CACNB2: variants seen among roughly 807,000 people sequenced by gnomAD.
CACNB2 encodes the protein voltage-dependent L-type calcium channel subunit beta-2.
Under a neutral mutation model 73.3 loss-of-function variants are expected in CACNB2, and 42 were observed. The observed-to-expected ratio is 0.57, with a 90% CI of 0.45 to 0.74. The LOEUF (loss-of-function observed/expected upper bound fraction) is 0.74, where lower values mean the gene tolerates loss of function less well. CACNB2 is among the 30% of genes least tolerant of loss of function. CACNB2 has a pLI of 0.00. For missense variants in CACNB2, 940 were observed against 853.0 expected, an observed-to-expected ratio of 1.10 and a Z score of -1.27; for synonymous variants, 348 against 310.3, an observed-to-expected ratio of 1.12 and a Z score of -1.28.
chr10:18,230,967 C>T (rs913657151), intron 2 of CACNB2, among the ~76,000 whole-genome samples: 15 of 151,816 alleles, frequency 9.9e-5, no homozygotes, highest in Admixed American at 5.9e-4. Context: ...GCATATTTTG[C>T]AGCTTGTGTC....
chr10:18,504,255 T>C (rs1589575919), intron 5 of CACNB2, among the ~76,000 whole-genome samples: 1 of 152,290 alleles, frequency 6.6e-6, no homozygotes, highest in South Asian at 2.1e-4. Flanking sequence ...GGGAACTTGA[T>C]CGAGGTCGCA....
intron 3 of CACNB2, among the ~76,000 whole-genome samples, chr10:18,473,594 T>C (rs965103548): frequency 6.6e-6 from 1 of 152,276 alleles, no homozygotes; most frequent in East Asian, 1.9e-4. Flanking sequence ...GACTTATTAG[T>C]GTCTGGAGCC....
intron 2 of CACNB2, among the ~76,000 whole-genome samples, chr10:18,189,953 G>C (rs1223056715): frequency 1.3e-5 from 2 of 152,168 alleles, no homozygotes; most frequent in East Asian, 3.9e-4. Flanking sequence ...TGTGTTTTTA[G>C]ACAGTTGAGT....
rs1034654332 is a variant in CACNB2, at chr10:18,540,275, T to C, written c.*551T>C. The C allele has an allele frequency of 6.6e-6, 1 of 152,282 alleles. No individual in the cohort carries two copies. Among genetic ancestry groups the C allele is most frequent in the Non-Finnish European group, 1.5e-5 (1 of 68,340 alleles). The allele number at this position is 152,282 out of a possible 1,614,324, so 9.4% of individuals were successfully genotyped here. ...TTTTCTATGTACTAGTACTGTGTAC[T>C]GTATAGACAGTTTGTAAATGTTATT... is the stretch of plus-strand genomic sequence containing the variant. On this transcript the variant is annotated 3_prime_UTR_variant, in exon 14 of 14. Coordinates refer to ENST00000324631, the MANE Select transcript of CACNB2 (RefSeq NM_201596.3).
At chr10:18,503,062 C>A (rs2050295360) in intron 5 of CACNB2, among the ~76,000 whole-genome samples, 1 of 152,052 alleles carries the variant, frequency 6.6e-6, no homozygotes, top group African/African-American at 2.4e-5. Context: ...GTAAATTATT[C>A]ATTAGACCAA....
At chr10:18,339,032 G>A (rs1236562031) in intron 2 of CACNB2, among the ~76,000 whole-genome samples, 2 of 151,944 alleles carry the variant, frequency 1.3e-5, no homozygotes, top group African/African-American at 2.4e-5. Context: ...GAGCTACCAT[G>A]CCCAGCCTGT....
At position 18,301,107 on chromosome 10, in the gene CACNB2, G is replaced by A. The variant is rs78088157; in HGVS notation, c.214-100817G>A. Among the ~76,000 whole-genome samples, 662 of 152,266 alleles carry A rather than the reference G, an allele frequency of 4.3e-3. 7 individuals carry two copies. Among genetic ancestry groups the A allele is most frequent in the African/African-American group, 0.015 (631 of 41,558 alleles). ...CTTTTCAAAAAGGGGACTCGTGTTCGGAAGTGCAAACGTAGCAGTGTTCCT... is the reference window on the plus strand; with the variant it reads ...CTTTTCAAAAAGGGGACTCGTGTTCAGAAGTGCAAACGTAGCAGTGTTCCT... On this transcript the variant is annotated intron_variant, in intron 2 of 13. Coordinates refer to ENST00000324631, the MANE Select transcript of CACNB2 (RefSeq NM_201596.3).
intron 2 of CACNB2, among the ~76,000 whole-genome samples, chr10:18,153,942 T>C (rs2131051045): frequency 6.6e-6 from 1 of 150,558 alleles, no homozygotes; most frequent in East Asian, 1.9e-4. Context: ...TTAAAGTAAG[T>C]GTATGTTTTT....
chr10:18,242,240 G>T (rs1010454858), intron 2 of CACNB2, among the ~76,000 whole-genome samples: 1 of 151,722 alleles, frequency 6.6e-6, no homozygotes, highest in South Asian at 2.1e-4. Context: ...AAACAATAGT[G>T]CAAAAATTAT....
At position 18,260,495 on chromosome 10, in the gene CACNB2, C is replaced by T. The variant is rs1463311223; in HGVS notation, c.213+109520C>T. ...CCGCAGTGCTTGAGCGAGTCAGGTC[C>T]TGAGGCCACTCTGGCGATCCTCCTT... On this transcript the variant is annotated intron_variant, in intron 2 of 13. Transcript: ENST00000324631. 3 of 985,356 alleles carry T rather than the reference C, an allele frequency of 3.0e-6. No homozygotes were observed. The African/African-American group carries it at 5.2e-5, about 17-fold the overall frequency. 61.0% of individuals were successfully genotyped at this position (985,356 alleles called of 1,614,324 possible).
At chr10:18,212,163 C>T (rs1021669067) in intron 2 of CACNB2, among the ~76,000 whole-genome samples, 11 of 152,108 alleles carry the variant, frequency 7.2e-5, no homozygotes, top group East Asian at 3.8e-4. Flanking sequence ...CTTAGTTGTA[C>T]GGTGTGCATA....
At chr10:18,187,528 G>C (rs1012285936) in intron 2 of CACNB2, among the ~76,000 whole-genome samples, 1 of 152,004 alleles carries the variant, frequency 6.6e-6, no homozygotes, top group African/African-American at 2.4e-5. Context: ...GAAAAAGAAA[G>C]GATTCTTTTT....
At chr10:18,326,522 A>G (rs1305866073) in intron 2 of CACNB2, among the ~76,000 whole-genome samples, 1 of 152,258 alleles carries the variant, frequency 6.6e-6, no homozygotes, top group African/African-American at 2.4e-5. Flanking sequence ...AGACTTCGTC[A>G]GAACTGCTAT....
intron 2 of CACNB2, among the ~76,000 whole-genome samples, chr10:18,349,676 G>C (rs1029289325): frequency 6.6e-6 from 1 of 151,508 alleles, no homozygotes. Flanking sequence ...GAGAAGAGGG[G>C]AGTGGAGAGT....
chr10:18,179,228 A>C (rs1160471749), intron 2 of CACNB2, among the ~76,000 whole-genome samples: 1 of 152,212 alleles, frequency 6.6e-6, no homozygotes, highest in African/African-American at 2.4e-5. Context: ...TATATGAGGA[A>C]GTCTGGACAG....
intron 2 of CACNB2, among the ~76,000 whole-genome samples, chr10:18,380,923 A>C (rs961223751): frequency 6.6e-6 from 1 of 152,042 alleles, no homozygotes; most frequent in Non-Finnish European, 1.5e-5. Context: ...ATCCTCATAC[A>C]ATCTTGATCT....
chr10:18,406,790 C>T (rs1274245883), intron 3 of CACNB2, among the ~76,000 whole-genome samples: 1 of 152,088 alleles, frequency 6.6e-6, no homozygotes, highest in Non-Finnish European at 1.5e-5. Context: ...ATTGTTTTCC[C>T]TGGTGCCAAA....
intron 2 of CACNB2, among the ~76,000 whole-genome samples, chr10:18,380,479 GAGTCTCGCTCTGTTGCC>G (rs1451321090): frequency 1.4e-5 from 2 of 138,944 alleles, no homozygotes; most frequent in Non-Finnish European, 3.1e-5. Flanking sequence ...TTTTGAGATG[GAGTCTCGCTCTGTTGCC>G]CAGGCTGGAG....
At chr10:18,526,779 C>T (rs925674285) in intron 9 of CACNB2, among the ~76,000 whole-genome samples, 1 of 152,070 alleles carries the variant, frequency 6.6e-6, no homozygotes, top group African/African-American at 2.4e-5. Context: ...TTATCTCTGC[C>T]ACTAGACCAT....
Sources: gnomAD v4.1 joint callset for allele counts (sites outside exome capture counted in the v4.1 genomes callset) on GRCh38, gnomAD v4.1.1 for gene constraint, MANE v1.5 for transcripts, NCBI Gene and HGNC (gene_info 2026-07-23, HGNC 2026-07-21) for gene names.